DYRK1A: variants seen among roughly 807,000 people sequenced by gnomAD.
The protein encoded by DYRK1A is dual specificity tyrosine phosphorylation regulated kinase 1A.
In DYRK1A, 9 loss-of-function variants were observed where a neutral mutation model predicts 79.7. The observed-to-expected ratio is 0.11, with a 90% CI of 0.07 to 0.20. The LOEUF (loss-of-function observed/expected upper bound fraction) is 0.20. DYRK1A is among the 10% of genes least tolerant of loss of function. The pLI is 1.00. For synonymous variants in DYRK1A, 349 were observed against 329.7 expected, an observed-to-expected ratio of 1.06 and a Z score of -0.63; for missense variants, 622 against 956.0, an observed-to-expected ratio of 0.65 and a Z score of 4.61.
chr21:37,420,428 T>C (rs2050444017), intron 2 of DYRK1A, 44 bp downstream of exon 2: 4 of 1,601,814 alleles, frequency 2.5e-6, no homozygotes, highest in Non-Finnish European at 3.4e-6. Flanking sequence ...GCTAAGAGAA[T>C]GTGGGAATCG....
chr21:37,369,759 G>T (rs1258696402), intron 1 of DYRK1A, among the ~76,000 whole-genome samples: 1 of 152,168 alleles, frequency 6.6e-6, no homozygotes, highest in Non-Finnish European at 1.5e-5. Flanking sequence ...TATTGGTAGG[G>T]GTGGGAAATG....
chr21:37,460,108 ATT>A (rs577575063), intron 2 of DYRK1A, among the ~76,000 whole-genome samples: 8 of 145,368 alleles, frequency 5.5e-5, no homozygotes, highest in African/African-American at 2.0e-4. Context: ...TTTAGCATGG[ATT>A]TTTTTTTTTT....
chr21:37,417,529 C>CTTTTTCTTTTTCTTTTTCTTTT (rs1555959239), intron 1 of DYRK1A, among the ~76,000 whole-genome samples: 5 of 44,044 alleles, frequency 1.1e-4, no homozygotes, highest in Non-Finnish European at 1.9e-4. Context: ...TTTTCTTTTT[C>CTTTTTCTTTTTCTTTTTCTTTT]TTTTTTTTTT....
chr21:37,463,707 T>C (rs2051929723), intron 2 of DYRK1A, among the ~76,000 whole-genome samples: 2 of 152,236 alleles, frequency 1.3e-5, no homozygotes, highest in South Asian at 4.1e-4. Flanking sequence ...AGCTTACTCA[T>C]GGACTTTCGT....
intron 2 of DYRK1A, among the ~76,000 whole-genome samples, chr21:37,433,912 G>T (rs1214589451): frequency 1.3e-5 from 2 of 152,102 alleles, no homozygotes; most frequent in Non-Finnish European, 1.5e-5. Flanking sequence ...GGATGGGGGG[G>T]TTAATATTAG....
At chr21:37,412,295 A>G (rs8128582) in intron 1 of DYRK1A, among the ~76,000 whole-genome samples, 1 of 152,334 alleles carries the variant, frequency 6.6e-6, no homozygotes, top group East Asian at 1.9e-4. Context: ...TAAATTATAG[A>G]GGGGTTAAAT....
intron 1 of DYRK1A, among the ~76,000 whole-genome samples, chr21:37,371,002 G>A (rs1268643194): frequency 6.6e-6 from 1 of 152,160 alleles, no homozygotes; most frequent in Non-Finnish European, 1.5e-5. Context: ...TGGCTAGAGA[G>A]GTGGTAATTT....
chr21:37,469,531 T>G (rs1278084088), intron 2 of DYRK1A, among the ~76,000 whole-genome samples: 1 of 152,158 alleles, frequency 6.6e-6, no homozygotes, highest in Non-Finnish European at 1.5e-5. Flanking sequence ...GAGGTTTAGT[T>G]GGCTCATGGT....
chr21:37,425,406 T>C (rs535984923), intron 2 of DYRK1A, among the ~76,000 whole-genome samples: 1 of 152,346 alleles, frequency 6.6e-6, no homozygotes, highest in African/African-American at 2.4e-5. Flanking sequence ...GTTTTATTTA[T>C]GTTTCTAAGT....
At chr21:37,366,535 G>A (rs1203934720), upstream of DYRK1A, among the ~76,000 whole-genome samples, 1 of 150,692 alleles carries the variant, frequency 6.6e-6, no homozygotes, top group Non-Finnish European at 1.5e-5. Flanking sequence ...CCCTCCCCCG[G>A]GCGAATCACG....
rs1280672233 is a variant in DYRK1A, at chr21:37,514,859, GCCACATCTTAGCAAGCA to G, written c.*2332_*2348del. 1.3e-5 allele frequency: 2 copies of G among 152,420 alleles called. No homozygotes were observed. Among genetic ancestry groups the G allele is most frequent in the Admixed American group, 1.3e-4 (2 of 15,268 alleles). The allele number at this position is 152,420 out of a possible 1,614,324, so 9.4% of individuals were successfully genotyped here. A position where few individuals can be genotyped will look rare whatever the true frequency, so the allele number is the denominator to read the frequency against. On this transcript the variant is annotated 3_prime_UTR_variant, in exon 12 of 12. Coordinates refer to ENST00000647188, the MANE Select transcript of DYRK1A (RefSeq NM_001347721.2). ...GTCATTTTTTTTTTCTGTGCTGGTT[GCCACATCTTAGCAAGCA>G]CCAAAAAACTAAAGCAGTTTTTAAA... is the stretch of plus-strand genomic sequence containing the variant.
chr21:37,434,436 A>T (rs1297483602), intron 2 of DYRK1A, among the ~76,000 whole-genome samples: 1 of 152,190 alleles, frequency 6.6e-6, no homozygotes, highest in African/African-American at 2.4e-5. Flanking sequence ...TTCTCTGAAT[A>T]TGTGAGATTA....
chr21:37,483,570 T>A (rs1326841124), intron 5 of DYRK1A, among the ~76,000 whole-genome samples: 2 of 151,658 alleles, frequency 1.3e-5, no homozygotes, highest in African/African-American at 4.9e-5. Context: ...GTCCTTTTTT[T>A]TGTTTTGTTT....
chr21:37,405,015 A>T (rs757717638), intron 1 of DYRK1A, among the ~76,000 whole-genome samples: 4 of 152,240 alleles, frequency 2.6e-5, no homozygotes, highest in Non-Finnish European at 4.4e-5. Context: ...GTACATTCTC[A>T]GAAAGTACAG....
At chr21:37,430,910 C>T (rs2050758630) in intron 2 of DYRK1A, among the ~76,000 whole-genome samples, 1 of 152,116 alleles carries the variant, frequency 6.6e-6, no homozygotes, top group African/African-American at 2.4e-5. Flanking sequence ...AGTATCAAGC[C>T]AGTCTCTCCC....
At chr21:37,390,313 A>C (rs953266741) in intron 1 of DYRK1A, among the ~76,000 whole-genome samples, 3 of 152,292 alleles carry the variant, frequency 2.0e-5, no homozygotes, top group Middle Eastern at 3.4e-3. Flanking sequence ...GGTATGGTAC[A>C]AATAGCTTAT....
Position 37,512,361 on chromosome 21 carries a change from C to T in DYRK1A, c.2095C>T (p.Pro699Ser), listed in dbSNP as rs755442210. The T allele has an allele frequency of 6.2e-7, 1 of 1,614,236 alleles. No homozygotes were observed. Residue 699 changes from proline (P) to serine (S), a missense_variant, in exon 12 of 12, where the codon CCC becomes TCC. Coordinates refer to ENST00000647188, the MANE Select transcript of DYRK1A (RefSeq NM_001347721.2). ...CGTTAATTTGACCGTCTACTCCAAT[C>T]CCCGCCAAGAGACTGGCATAGCTGG... ...MDVNLTVYSN[P>S]RQETGIAGHP...
chr21:37,465,589 C>T (rs2051998268), intron 2 of DYRK1A, among the ~76,000 whole-genome samples: 1 of 152,160 alleles, frequency 6.6e-6, no homozygotes, highest in South Asian at 2.1e-4. Flanking sequence ...GTAATCCTAG[C>T]ACTTTGGGAG....
chr21:37,396,820 A>G (rs2148394918), intron 1 of DYRK1A, among the ~76,000 whole-genome samples: 2 of 152,288 alleles, frequency 1.3e-5, no homozygotes, highest in East Asian at 3.9e-4. Flanking sequence ...TCCATTTATC[A>G]TGTAGAGAGT....
Sources: gnomAD v4.1 joint callset for allele counts (sites outside exome capture counted in the v4.1 genomes callset) on GRCh38, gnomAD v4.1.1 for gene constraint, MANE v1.5 for transcripts, NCBI Gene and HGNC (gene_info 2026-07-23, HGNC 2026-07-21) for gene names.